Variants in MYH15 observed in about 807,000 individuals in gnomAD.
The protein encoded by MYH15 is myosin heavy chain 15, also known as myosin-15.
MYH15 carries 227 observed loss-of-function variants against 240.5 expected under a neutral mutation model. That is an observed-to-expected ratio of 0.94 (90% confidence interval 0.85 to 1.05). MYH15 has a LOEUF of 1.05. Ranked by LOEUF, MYH15 falls within the 50% of genes least tolerant of loss-of-function variation. MYH15 has a pLI of 0.00. For synonymous variants in MYH15, 785 were observed against 796.7 expected, an observed-to-expected ratio of 0.99 and a Z score of 0.25; for missense variants, 2,217 against 2,247.5, an observed-to-expected ratio of 0.99 and a Z score of 0.27.
At chr3:108,430,543 CAGA>C (rs1324087718) in intron 26 of MYH15, among the ~76,000 whole-genome samples, 1 of 152,152 alleles carries the variant, frequency 6.6e-6, no homozygotes, top group East Asian at 1.9e-4. Context: ...CAATCGTTGC[CAGA>C]AGGATTCATG....
chr3:108,501,581 C>T, intron 3 of MYH15, 131 bp downstream of exon 3: 1 of 1,155,644 alleles, frequency 8.7e-7, no homozygotes, highest in Non-Finnish European at 1.2e-6. Flanking sequence ...GGTCCCTTCC[C>T]AGTAGACATT....
intron 35 of MYH15, 137 bp downstream of exon 35, chr3:108,398,500 G>T: frequency 1.4e-6 from 1 of 735,144 alleles, no homozygotes; most frequent in Non-Finnish European, 2.3e-6. Context: ...CAAATGAAGA[G>T]TATGAACATG....
At chr3:108,399,388 T>G in intron 33 of MYH15, 121 bp from the exon 34 acceptor site, 1 of 857,500 alleles carries the variant, frequency 1.2e-6, no homozygotes, top group Non-Finnish European at 1.8e-6. Flanking sequence ...AAATTTTAAG[T>G]AACTAACAAA....
intron 37 of MYH15, 91 bp from the exon 38 acceptor site, chr3:108,389,165 G>A: frequency 8.8e-7 from 1 of 1,141,804 alleles, no homozygotes; most frequent in Non-Finnish European, 1.3e-6. Flanking sequence ...AGACAGCAAA[G>A]TGTCAAGGGA....
chr3:108,433,288 A>C (rs2082796347), intron 25 of MYH15, among the ~76,000 whole-genome samples: 1 of 152,164 alleles, frequency 6.6e-6, no homozygotes, highest in African/African-American at 2.4e-5. Context: ...GAATGGCTGT[A>C]TTTACCCAGT....
intron 9 of MYH15, among the ~76,000 whole-genome samples, chr3:108,489,642 C>T (rs2083331914): frequency 6.6e-6 from 1 of 152,064 alleles, no homozygotes; most frequent in African/African-American, 2.4e-5. Flanking sequence ...AGTGGGTGAC[C>T]AGCCTCTCTG....
At chr3:108,475,820 A>G (rs1187879250) in intron 12 of MYH15, among the ~76,000 whole-genome samples, 1 of 152,174 alleles carries the variant, frequency 6.6e-6, no homozygotes, top group Non-Finnish European at 1.5e-5. Flanking sequence ...TGGCCCTGGG[A>G]ATATTTACTG....
At chr3:108,435,924 A>G (rs948058318) in intron 25 of MYH15, among the ~76,000 whole-genome samples, 1 of 151,698 alleles carries the variant, frequency 6.6e-6, no homozygotes, top group Non-Finnish European at 1.5e-5. Flanking sequence ...TATATTGGCT[A>G]TTGTGAATAA....
Position 108,464,828 on chromosome 3 carries a change from A to C in MYH15, c.1555-14T>G. 6.3e-7 allele frequency: 1 copy of C among 1,580,306 alleles called. No individual in the cohort carries two copies. The highest frequency in any genetic ancestry group is 8.6e-7 in the Non-Finnish European group (1 of 1,167,354). On this transcript the variant is annotated splice_polypyrimidine_tract_variant and intron_variant, in intron 14 of 40. Transcript: ENST00000693548. ...GATGCCCATTGGCTGTTGAAGAGAC[A>C]TAAGAGCAGCAGATTTCTTTAAAAA...
Position 108,470,627 on chromosome 3 carries a change from C to T in MYH15, c.1383+71G>A, listed in dbSNP as rs561127484. 14 of 1,531,606 alleles carry T rather than the reference C, an allele frequency of 9.1e-6. No homozygotes were observed. The African/African-American group carries it at 1.1e-4, about 12-fold the overall frequency. 94.9% of individuals were successfully genotyped at this position (1,531,606 alleles called of 1,614,324 possible). A position where few individuals can be genotyped will look rare whatever the true frequency, so the allele number is the denominator to read the frequency against. On this transcript the variant is annotated intron_variant, in intron 13 of 40. Transcript: ENST00000693548. The stretch of plus-strand genomic sequence containing the variant: ...ATCCCCATGCTTTGACCATATTTTC[C>T]CATCTTCAAGTAACGTTTTCTAATC...
At chr3:108,515,511 A>G (rs991576428), upstream of MYH15, among the ~76,000 whole-genome samples, 1 of 152,182 alleles carries the variant, frequency 6.6e-6, no homozygotes, top group African/African-American at 2.4e-5. Flanking sequence ...CTTCCAGTAC[A>G]TTCTAATTTC....
chr3:108,428,240 C>T (rs570544995), intron 27 of MYH15, among the ~76,000 whole-genome samples: 36 of 152,258 alleles, frequency 2.4e-4, no homozygotes, highest in East Asian at 2.3e-3. Context: ...TAAAAAAATC[C>T]ATAAGGAACA....
At chr3:108,429,794 T>C (rs1221532188) in intron 26 of MYH15, among the ~76,000 whole-genome samples, 1 of 152,166 alleles carries the variant, frequency 6.6e-6, no homozygotes. Flanking sequence ...GTTCTATAGA[T>C]GAGGTATGAC....
intron 22 of MYH15, among the ~76,000 whole-genome samples, chr3:108,443,601 G>A (rs1169929445): frequency 6.6e-6 from 1 of 152,140 alleles, no homozygotes; most frequent in East Asian, 1.9e-4. Flanking sequence ...GGCTAGGGAG[G>A]AGTAACATGA....
At chr3:108,495,185 C>T (rs937614728) in intron 7 of MYH15, among the ~76,000 whole-genome samples, 1 of 152,192 alleles carries the variant, frequency 6.6e-6, no homozygotes, top group African/African-American at 2.4e-5. Context: ...TGGCTCCCTG[C>T]CACTGATTCT....
At position 108,449,399 on chromosome 3, in the gene MYH15, A is replaced by G. The variant is rs182729029; in HGVS notation, c.2400-4504T>C. On this transcript the variant is annotated intron_variant, in intron 21 of 40. Transcript: ENST00000693548. Reference sequence around the variant, plus strand: ...AGCATAAAAACAAACATATAGTCCAATGGAACAGATCAGAGAACCCAGAAA... The same window carrying G: ...AGCATAAAAACAAACATATAGTCCAGTGGAACAGATCAGAGAACCCAGAAA... Among the ~76,000 whole-genome samples, 390 of 152,226 alleles carry G rather than the reference A, an allele frequency of 2.6e-3. 2 individuals are homozygous for G. Among genetic ancestry groups the G allele is most frequent in the African/African-American group, 4.7e-3 (194 of 41,566 alleles).
At chr3:108,390,018 C>G (rs547709260) in intron 37 of MYH15, among the ~76,000 whole-genome samples, 2 of 152,296 alleles carry the variant, frequency 1.3e-5, no homozygotes, top group African/African-American at 4.8e-5. Context: ...AAGTGTGAGA[C>G]TTCCTTGTGG....
At chr3:108,431,814 C>A (rs2082781785) in intron 25 of MYH15, among the ~76,000 whole-genome samples, 1 of 152,120 alleles carries the variant, frequency 6.6e-6, no homozygotes, top group South Asian at 2.1e-4. Flanking sequence ...GACCAAAATG[C>A]TGATAATGAA....
chr3:108,524,921 T>C lies in MYH15; in HGVS notation c.-58+4342A>G, dbSNP rs1039740104. Among the ~76,000 whole-genome samples, 9 of 152,132 alleles carry C rather than the reference T, an allele frequency of 5.9e-5. No homozygotes were observed. The East Asian group carries it at 1.7e-3, about 29-fold the overall frequency. ...CTAGAGACCCAGCCATTTTGTTCAT[T>C]TACACTTGGGAAGAAACAAGAAGAA... On this transcript the variant is annotated intron_variant, in intron 1 of 41. Transcript: ENST00000273353.
Sources: allele counts gnomAD v4.1 joint callset (sites outside exome capture counted in the v4.1 genomes callset), GRCh38; gene constraint gnomAD v4.1.1; transcripts MANE v1.5; gene names NCBI Gene and HGNC (gene_info 2026-07-23, HGNC 2026-07-21).